The following KCNIP4 variants were observed in gnomAD, a reference collection of about 807,000 sequenced individuals.
KCNIP4 encodes potassium voltage-gated channel interacting protein 4.
Under a neutral mutation model 34.0 loss-of-function variants are expected in KCNIP4, and 12 were observed. That is an observed-to-expected ratio of 0.35 (90% CI 0.23 to 0.57). KCNIP4 has a LOEUF of 0.57. KCNIP4 is among the 20% of genes least tolerant of loss of function. The pLI, the probability that KCNIP4 is intolerant of heterozygous loss-of-function variation, is 0.83. For missense variants in KCNIP4, 238 were observed against 311.7 expected, an observed-to-expected ratio of 0.76 and a Z score of 1.78; for synonymous variants, 124 against 102.2, an observed-to-expected ratio of 1.21 and a Z score of -1.29.
At chr4:20,746,588 G>T (rs1288098025) in intron 5 of KCNIP4, among the ~76,000 whole-genome samples, 2 of 151,904 alleles carry the variant, frequency 1.3e-5, no homozygotes, top group South Asian at 4.2e-4. Context: ...GCACATATTT[G>T]GTGCCAGACA....
chr4:21,106,187 G>C (rs558387124), intron 1 of KCNIP4, among the ~76,000 whole-genome samples: 1 of 150,794 alleles, frequency 6.6e-6, no homozygotes, highest in Non-Finnish European at 1.5e-5. Flanking sequence ...GTTCCTCCTT[G>C]TGCCTCTGGT....
At chr4:21,934,855 C>A in intron 1 of KCNIP4, among the ~76,000 whole-genome samples, 1 of 152,144 alleles carries the variant, frequency 6.6e-6, no homozygotes, top group East Asian at 1.9e-4. Context: ...CCTCAATTTA[C>A]TTATCAATAA....
intron 1 of KCNIP4, among the ~76,000 whole-genome samples, chr4:20,959,655 G>A: frequency 6.6e-6 from 1 of 152,090 alleles, no homozygotes; most frequent in Non-Finnish European, 1.5e-5. Context: ...TCTATCTTTT[G>A]TTTTAATTAC....
intron 1 of KCNIP4, among the ~76,000 whole-genome samples, chr4:21,390,777 G>T (rs1295698713): frequency 6.6e-6 from 1 of 152,156 alleles, no homozygotes; most frequent in Non-Finnish European, 1.5e-5. Context: ...GATTGTCTTG[G>T]CAATGCGGGC....
intron 3 of KCNIP4, among the ~76,000 whole-genome samples, chr4:20,789,697 G>A (rs1430340983): frequency 6.6e-6 from 1 of 151,488 alleles, no homozygotes; most frequent in Non-Finnish European, 1.5e-5. Context: ...ATATGAAAAA[G>A]CACAGGTTAG....
chr4:21,398,381 G>A (rs1480222700), intron 1 of KCNIP4, among the ~76,000 whole-genome samples: 2 of 152,216 alleles, frequency 1.3e-5, no homozygotes, highest in African/African-American at 4.8e-5. Flanking sequence ...ACAAATTGCT[G>A]TTAATCCCAA....
At chr4:21,021,116 G>T (rs945961651) in intron 1 of KCNIP4, among the ~76,000 whole-genome samples, 7 of 152,192 alleles carry the variant, frequency 4.6e-5, no homozygotes, top group African/African-American at 1.7e-4. Context: ...AACCTGTACA[G>T]CATGTTACTG....
intron 1 of KCNIP4, among the ~76,000 whole-genome samples, chr4:21,039,376 GAA>G (rs34620206): frequency 6.9e-4 from 83 of 121,080 alleles, no homozygotes; most frequent in African/African-American, 1.5e-3. Flanking sequence ...TCTCAAAAAA[GAA>G]AAAAAAAAAA....
At chr4:21,521,441 T>A (rs1317686845) in intron 1 of KCNIP4, among the ~76,000 whole-genome samples, 1 of 152,124 alleles carries the variant, frequency 6.6e-6, no homozygotes, top group African/African-American at 2.4e-5. Flanking sequence ...TTGCTCTTTT[T>A]CTTTGATCTC....
chr4:21,103,135 G>T (rs1429995263), intron 1 of KCNIP4, among the ~76,000 whole-genome samples: 2 of 151,548 alleles, frequency 1.3e-5, no homozygotes, highest in Admixed American at 6.6e-5. Flanking sequence ...ACCCTGATTT[G>T]GAGTTAAAAG....
chr4:21,641,939 C>A (rs995188466), intron 1 of KCNIP4, among the ~76,000 whole-genome samples: 2 of 152,254 alleles, frequency 1.3e-5, no homozygotes, highest in African/African-American at 4.8e-5. Context: ...AGCCAGCTAC[C>A]TGGTGGCAGG....
chr4:21,429,483 T>C (rs1726248055), intron 1 of KCNIP4, among the ~76,000 whole-genome samples: 1 of 152,146 alleles, frequency 6.6e-6, no homozygotes. Flanking sequence ...GGTTTTCAGC[T>C]CCTTTAAGTA....
intron 1 of KCNIP4, among the ~76,000 whole-genome samples, chr4:21,140,813 GTC>G (rs1751894609): frequency 9.9e-5 from 15 of 152,150 alleles, no homozygotes; most frequent in Admixed American, 9.8e-4. Flanking sequence ...AGGTTGGAAA[GTC>G]CCTGTCCATC....
intron 1 of KCNIP4, among the ~76,000 whole-genome samples, chr4:21,855,202 C>G (rs575868794): frequency 9.2e-5 from 14 of 152,166 alleles, no homozygotes; most frequent in Non-Finnish European, 1.9e-4. Context: ...AAGAATCACC[C>G]CTGTATCTCC....
intron 1 of KCNIP4, among the ~76,000 whole-genome samples, chr4:21,258,009 T>G (rs1761192668): frequency 6.6e-6 from 1 of 152,188 alleles, no homozygotes; most frequent in South Asian, 2.1e-4. Context: ...GCTGCTTTAC[T>G]TTGTCCTTAG....
chr4:21,875,666 T>C (rs1726072015), intron 1 of KCNIP4, among the ~76,000 whole-genome samples: 1 of 152,192 alleles, frequency 6.6e-6, no homozygotes, highest in South Asian at 2.1e-4. Flanking sequence ...GAGAAGAACA[T>C]TGTATCCTTC....
chr4:20,757,217 TG>T (rs1754551925), intron 4 of KCNIP4, among the ~76,000 whole-genome samples: 1 of 152,188 alleles, frequency 6.6e-6, no homozygotes, highest in African/African-American at 2.4e-5. Flanking sequence ...CTTCCATTTT[TG>T]TCATCTAAAT....
At chr4:21,370,800 A>AATATATATATAT (rs1173506757) in intron 1 of KCNIP4, among the ~76,000 whole-genome samples, 3 of 17,984 alleles carry the variant, frequency 1.7e-4, no homozygotes, top group Non-Finnish European at 3.1e-4. Context: ...CATGGATTGA[A>AATATATATATAT]ATATATATAT....
intron 1 of KCNIP4, among the ~76,000 whole-genome samples, chr4:21,538,234 C>G (rs1396950453): frequency 1.3e-5 from 2 of 152,072 alleles, no homozygotes; most frequent in Non-Finnish European, 1.5e-5. Context: ...ACACCTTGAT[C>G]TTAGACTTCT....
Sources: allele counts gnomAD v4.1 joint callset (sites outside exome capture counted in the v4.1 genomes callset), GRCh38; gene constraint gnomAD v4.1.1; transcripts MANE v1.5; gene names NCBI Gene and HGNC (gene_info 2026-07-23, HGNC 2026-07-21).